The following ROBO2 variants were observed in gnomAD, a reference collection of about 807,000 sequenced individuals.
The protein encoded by ROBO2 is roundabout homolog 2.
In ROBO2, 53 loss-of-function variants were observed where a neutral mutation model predicts 160.8. That is an observed-to-expected ratio of 0.33 (90% CI 0.26 to 0.41). ROBO2 has a LOEUF of 0.41. ROBO2 is among the 10% of genes least tolerant of loss of function. The pLI, the probability that ROBO2 is intolerant of heterozygous loss-of-function variation, is 1.00. For missense variants in ROBO2, 1,577 were observed against 1,722.4 expected (o/e 0.92, Z 1.49); for synonymous variants, 664 against 611.7 (o/e 1.09, Z -1.26).
chr3:77,369,358 G>T (rs1340155499), intron 2 of ROBO2, among the ~76,000 whole-genome samples: 26 of 152,134 alleles, frequency 1.7e-4, no homozygotes, highest in Admixed American at 1.6e-3. Flanking sequence ...ACTGTAGCAG[G>T]TTTCACAAAA....
intron 2 of ROBO2, among the ~76,000 whole-genome samples, chr3:77,459,376 A>G (rs1188179737): frequency 6.6e-6 from 1 of 152,224 alleles, no homozygotes; most frequent in African/African-American, 2.4e-5. Context: ...TATCCGGTTT[A>G]GTAATGACAA....
At chr3:77,193,387 C>A (rs2082042324) in intron 2 of ROBO2, among the ~76,000 whole-genome samples, 1 of 151,880 alleles carries the variant, frequency 6.6e-6, no homozygotes, top group Non-Finnish European at 1.5e-5. Flanking sequence ...CTCAAGCGAT[C>A]CTCCTACCTC....
At chr3:75,988,802 A>G (rs2065485946) in intron 2 of ROBO2, among the ~76,000 whole-genome samples, 1 of 151,868 alleles carries the variant, frequency 6.6e-6, no homozygotes, top group African/African-American at 2.4e-5. Flanking sequence ...TCCCTCTGTT[A>G]CTGATTTTTA....
intron 2 of ROBO2, among the ~76,000 whole-genome samples, chr3:77,361,630 G>A (rs1056438002): frequency 2.0e-5 from 3 of 152,030 alleles, no homozygotes; most frequent in African/African-American, 7.2e-5. Context: ...TCACATAGTG[G>A]AAAGGAGGGT....
intron 24 of ROBO2, among the ~76,000 whole-genome samples, chr3:77,642,067 C>T (rs997505981): frequency 2.0e-5 from 3 of 152,126 alleles, no homozygotes; most frequent in African/African-American, 7.2e-5. Context: ...TTAGTTGTAA[C>T]TCATTAGCTA....
chr3:76,353,668 G>A (rs2075003340), intron 2 of ROBO2, among the ~76,000 whole-genome samples: 1 of 151,890 alleles, frequency 6.6e-6, no homozygotes. Flanking sequence ...GAAATACAAG[G>A]CAAAGACCAT....
rs964080392 is a variant in ROBO2 at position 77,219,438 on chromosome 3, A to G, written c.388+121098A>G. Reference sequence around the variant, plus strand: ...CTTGACTGTGTGTATGTGTGTGTATATATATATATATATATATATATGTAT... The same window carrying G: ...CTTGACTGTGTGTATGTGTGTGTATGTATATATATATATATATATATGTAT... On this transcript the variant is annotated intron_variant, in intron 2 of 25. Transcript: ENST00000461745. Among the ~76,000 whole-genome samples the G allele has an allele frequency of 7.1e-3, 854 of 120,138 alleles. 10 individuals carry two copies. Among genetic ancestry groups the G allele is most frequent in the African/African-American group, 0.029 (806 of 27,948 alleles). 78.8% of individuals were successfully genotyped at this position (120,138 alleles called of 152,430 possible). A position where few individuals can be genotyped will look rare whatever the true frequency, so the allele number is the denominator to read the frequency against.
At chr3:76,995,112 C>CG (rs1439050423) in intron 2 of ROBO2, among the ~76,000 whole-genome samples, 1 of 149,594 alleles carries the variant, frequency 6.7e-6, no homozygotes, top group East Asian at 2.0e-4. Flanking sequence ...CCCCCCACCC[C>CG]CAACAGGCCC....
chr3:76,622,235 G>GAAGGAAGGAAGGA (rs2089186140), intron 2 of ROBO2, among the ~76,000 whole-genome samples: 2 of 44,792 alleles, frequency 4.5e-5, no homozygotes, highest in Non-Finnish European at 8.5e-5. Flanking sequence ...AGGAAGGAAG[G>GAAGGAAGGAAGGA]AAGAAAGAAA....
At chr3:77,157,996 A>G (rs570874746) in intron 2 of ROBO2, among the ~76,000 whole-genome samples, 1 of 152,240 alleles carries the variant, frequency 6.6e-6, no homozygotes, top group South Asian at 2.1e-4. Context: ...AGGGAAACAT[A>G]ATAATTACAA....
chr3:76,913,247 G>C (rs922310535), intron 2 of ROBO2, among the ~76,000 whole-genome samples: 3 of 152,184 alleles, frequency 2.0e-5, no homozygotes, highest in Admixed American at 2.0e-4. Context: ...TAGGTGGTGG[G>C]AGAGGTCTTT....
intron 2 of ROBO2, among the ~76,000 whole-genome samples, chr3:76,869,347 T>G (rs923269924): frequency 2.3e-5 from 3 of 131,106 alleles, no homozygotes; most frequent in African/African-American, 8.9e-5. Flanking sequence ...TTGATGTTTT[T>G]TTTTTTTTTT....
chr3:76,976,517 A>C (rs1486082395), intron 2 of ROBO2, among the ~76,000 whole-genome samples: 1 of 152,118 alleles, frequency 6.6e-6, no homozygotes, highest in Non-Finnish European at 1.5e-5. Flanking sequence ...TCCACTGAAA[A>C]CATTACAGAG....
At chr3:76,060,948 T>A (rs978916898) in intron 2 of ROBO2, among the ~76,000 whole-genome samples, 4 of 152,176 alleles carry the variant, frequency 2.6e-5, no homozygotes, top group African/African-American at 9.6e-5. Flanking sequence ...TGTTTCAATA[T>A]TAGAAATTCT....
intron 2 of ROBO2, among the ~76,000 whole-genome samples, chr3:76,182,253 C>G (rs1189195408): frequency 6.6e-6 from 1 of 152,080 alleles, no homozygotes; most frequent in Admixed American, 6.6e-5. Flanking sequence ...TTTATTTAGT[C>G]AATTACAACC....
At chr3:76,675,344 C>T (rs1011190796) in intron 2 of ROBO2, among the ~76,000 whole-genome samples, 1 of 152,096 alleles carries the variant, frequency 6.6e-6, no homozygotes, top group East Asian at 1.9e-4. Flanking sequence ...AGAGAGTACT[C>T]GAAGCAATTT....
intron 2 of ROBO2, among the ~76,000 whole-genome samples, chr3:76,317,590 G>A (rs2072145849): frequency 1.3e-5 from 2 of 152,108 alleles, no homozygotes; most frequent in African/African-American, 4.8e-5. Flanking sequence ...TTACGTCTGA[G>A]TTTCATTTGT....
intron 2 of ROBO2, among the ~76,000 whole-genome samples, chr3:76,296,440 T>G (rs1252346908): frequency 6.6e-6 from 1 of 152,220 alleles, no homozygotes; most frequent in Non-Finnish European, 1.5e-5. Flanking sequence ...CCTTTCTCCA[T>G]GAGTACAGAT....
At chr3:77,094,223 CAT>C (rs2070734609) in intron 1 of ROBO2, among the ~76,000 whole-genome samples, 1 of 152,162 alleles carries the variant, frequency 6.6e-6, no homozygotes, top group Non-Finnish European at 1.5e-5. Flanking sequence ...CTTCTCTGGA[CAT>C]GTCATATAAA....
Sources: allele counts gnomAD v4.1 joint callset (sites outside exome capture counted in the v4.1 genomes callset), GRCh38; gene constraint gnomAD v4.1.1; transcripts MANE v1.5; gene names NCBI Gene and HGNC (gene_info 2026-07-23, HGNC 2026-07-21).